The following NXN variants were observed in gnomAD, a reference collection of about 807,000 sequenced individuals.
The protein encoded by NXN is nucleoredoxin 1.
Under a neutral mutation model 48.6 loss-of-function variants are expected in NXN, and 16 were observed. The observed-to-expected ratio is 0.33, with a 90% confidence interval of 0.22 to 0.50. NXN has a LOEUF of 0.50. Ranked by LOEUF, NXN falls within the 20% of genes least tolerant of loss-of-function variation. NXN has a pLI of 0.98. For missense variants in NXN, 492 were observed against 605.5 expected (o/e 0.81, Z 1.97); for synonymous variants, 281 against 269.6 (o/e 1.04, Z -0.41).
At chr17:880,589 G>C (rs946006771) in intron 1 of NXN, among the ~76,000 whole-genome samples, 3 of 152,078 alleles carry the variant, frequency 2.0e-5, no homozygotes, top group African/African-American at 7.2e-5. Context: ...TTAAAAATAA[G>C]TGTTTATTTT....
At chr17:947,891 A>AAAAAG (rs1377014249) in intron 1 of NXN, among the ~76,000 whole-genome samples, 2 of 150,132 alleles carry the variant, frequency 1.3e-5, no homozygotes, top group African/African-American at 2.4e-5. Flanking sequence ...TACAAAAAAA[A>AAAAAG]AAAAAAAAAA....
chr17:923,791 G>A (rs12948820), intron 1 of NXN, among the ~76,000 whole-genome samples: 54,964 of 152,078 alleles, frequency 0.36, 10,703 homozygotes, highest in Middle Eastern at 0.46. Flanking sequence ...TTTGATACCA[G>A]AAGGACAACC....
At chr17:922,419 G>A (rs932476875) in intron 1 of NXN, among the ~76,000 whole-genome samples, 1 of 151,826 alleles carries the variant, frequency 6.6e-6, no homozygotes, top group Non-Finnish European at 1.5e-5. Flanking sequence ...ACTCCAGCCT[G>A]GGCAACAAGA....
At chr17:957,148 G>A (rs973390040) in intron 1 of NXN, among the ~76,000 whole-genome samples, 1 of 151,978 alleles carries the variant, frequency 6.6e-6, no homozygotes, top group Non-Finnish European at 1.5e-5. Flanking sequence ...GCAACAACGT[G>A]CAAAGGTGAT....
In NXN at chr17:825,922, G is replaced by A. The variant is rs1370376090; in HGVS notation, c.478+39C>T. 2.3e-6 allele frequency: 3 copies of A among 1,309,346 alleles called. No individual in the cohort carries two copies. The highest frequency in any genetic ancestry group is 2.6e-5 in the South Asian group (2 of 77,654). 81.1% of individuals were successfully genotyped at this position (1,309,346 alleles called of 1,614,324 possible). A position where few individuals can be genotyped will look rare whatever the true frequency, so the allele number is the denominator to read the frequency against. On this transcript the variant is annotated intron_variant, in intron 2 of 7. Transcript: ENST00000336868. The surrounding 1 kb of genome is among the most constrained non-coding windows in gnomAD (Gnocchi z 4.1). Reference sequence around the variant, plus strand: ...CTAAGGGCATGGAGGAGGGAGGGCTGGGTAATAAGAGGACCATATGCACGG... The same window carrying A: ...CTAAGGGCATGGAGGAGGGAGGGCTAGGTAATAAGAGGACCATATGCACGG...
intron 1 of NXN, among the ~76,000 whole-genome samples, chr17:865,978 A>G (rs1362152394): frequency 1.3e-5 from 2 of 151,580 alleles, no homozygotes; most frequent in African/African-American, 4.9e-5. Flanking sequence ...GCAAGACTCT[A>G]TCTCAAAAAA....
chr17:818,990 A>C (rs1416625431), intron 5 of NXN: 2 of 256,190 alleles, frequency 7.8e-6, no homozygotes, highest in Non-Finnish European at 1.5e-5. Flanking sequence ...TCTGTTGCCC[A>C]GGTTGGAGTG....
chr17:979,376 C>T lies in NXN; in HGVS notation c.303G>A (p.Gln101=). 1 of 1,531,234 alleles carries T rather than the reference C, an allele frequency of 6.5e-7. No individual in the cohort carries two copies. Among genetic ancestry groups the T allele is most frequent in the Non-Finnish European group, 8.8e-7 (1 of 1,140,994 alleles). The allele number at this position is 1,531,234 out of a possible 1,614,324, so 94.9% of individuals were successfully genotyped here. A position where few individuals can be genotyped will look rare whatever the true frequency, so the allele number is the denominator to read the frequency against. ...GCCACGGCATGTCCCGCACGAAGTC[C>T]TGCCACTGCCGCTGGTCCTGGTCCG... ...VSSDQDQRQW[Q]DFVRDMPWLA... is the part of the protein sequence containing the mutation. The change falls in exon 1 of 8, where the codon CAG becomes CAA. Residue 101 remains glutamine, a synonymous_variant. Coordinates refer to ENST00000336868, the MANE Select transcript of NXN (RefSeq NM_022463.5).
At chr17:936,932 G>A (rs114318903) in intron 1 of NXN, among the ~76,000 whole-genome samples, 2,384 of 152,076 alleles carry the variant, frequency 0.016, 63 homozygotes, top group African/African-American at 0.053. Context: ...GCCGGGTACG[G>A]TGGCTCACGC....
chr17:850,708 G>T (rs2067914767), intron 1 of NXN, among the ~76,000 whole-genome samples: 1 of 152,156 alleles, frequency 6.6e-6, no homozygotes, highest in Non-Finnish European at 1.5e-5. Flanking sequence ...AAGATGAATG[G>T]CCACACGTCC....
chr17:839,624 C>T (rs1411086066), intron 1 of NXN, among the ~76,000 whole-genome samples: 4 of 149,906 alleles, frequency 2.7e-5, no homozygotes, highest in Admixed American at 6.7e-5. Context: ...CCCTGGGCAA[C>T]ATGGTGAAAT....
Position 812,417 on chromosome 17 carries a change from C to T in NXN, c.820+7022G>A, listed in dbSNP as rs1349306502. Among the ~76,000 whole-genome samples the T allele has an allele frequency of 2.6e-5, 4 of 152,204 alleles. No individual in the cohort carries two copies. The East Asian group carries it at 7.7e-4, about 29-fold the overall frequency. ...CTGTGAAGGAATCTTTATACAAGCT[C>T]TTCAGCGGGAGAGAAACAAGTGAGA... On this transcript the variant is annotated intron_variant, in intron 5 of 7. Coordinates refer to ENST00000336868, the MANE Select transcript of NXN (RefSeq NM_022463.5).
At chr17:801,298 C>T (rs1911191571) in intron 7 of NXN, among the ~76,000 whole-genome samples, 167 bp from the exon 8 acceptor site, 1 of 152,170 alleles carries the variant, frequency 6.6e-6, no homozygotes, top group African/African-American at 2.4e-5. Context: ...GCCCTGCCTT[C>T]CGGAGGAAGG....
At chr17:969,266 C>T (rs2069343700) in intron 1 of NXN, among the ~76,000 whole-genome samples, 2 of 152,286 alleles carry the variant, frequency 1.3e-5, no homozygotes, top group African/African-American at 4.8e-5. Flanking sequence ...CTCCATTTTA[C>T]TCACCAGGAA....
chr17:895,826 C>CAAAA (rs1452047860), intron 1 of NXN, among the ~76,000 whole-genome samples: 14 of 88,040 alleles, frequency 1.6e-4, no homozygotes, highest in South Asian at 7.6e-4. Flanking sequence ...AACAAACAAA[C>CAAAA]AAAAAAACTA....
rs974193472 is a variant in NXN at position 830,582 on chromosome 17, A to G, written c.361-4504T>C. Among the ~76,000 whole-genome samples the G allele has an allele frequency of 6.6e-6, 1 of 152,184 alleles. No homozygotes were observed. The highest frequency in any genetic ancestry group is 2.4e-5 in the African/African-American group (1 of 41,446). ...GAAAGTCTGAGTAGATGAGAGAACC[A>G]GGGGCGGCGGCTGTGATGAGGTCAG... is the stretch of plus-strand genomic sequence containing the variant. On this transcript the variant is annotated intron_variant, in intron 1 of 7. Transcript: ENST00000336868. The surrounding 1 kb of genome is among the most constrained non-coding windows in gnomAD (Gnocchi z 4.2).
chr17:803,125 A>G (rs1408550010), intron 7 of NXN, among the ~76,000 whole-genome samples: 1 of 152,094 alleles, frequency 6.6e-6, no homozygotes, highest in Non-Finnish European at 1.5e-5. Flanking sequence ...TGAAAGCCCC[A>G]CTTTCCCACC....
rs142218034 is a variant in NXN at position 979,580 on chromosome 17, C to A, written c.99G>T (p.Leu33=). The A allele has an allele frequency of 1.5e-5, 22 of 1,433,852 alleles. No individual in the cohort carries two copies. Among genetic ancestry groups the A allele is most frequent in the Non-Finnish European group, 1.8e-5 (20 of 1,092,388 alleles). 88.8% of individuals were successfully genotyped at this position (1,433,852 alleles called of 1,614,324 possible). ...VHSLGARGIS[L]LGLYFGCSLS... is the part of the protein sequence containing the mutation. ...GGCTGCAGCCGAAGTAGAGACCCAG[C>A]AGCGAGATGCCGCGGGCGCCCAGCG... is the stretch of plus-strand genomic sequence containing the variant. Residue 33 remains leucine, a synonymous_variant, in exon 1 of 8, where the codon CTG becomes CTT. Transcript: ENST00000336868.
At chr17:863,160 G>A (rs911748836) in intron 1 of NXN, among the ~76,000 whole-genome samples, 4 of 151,978 alleles carry the variant, frequency 2.6e-5, no homozygotes, top group East Asian at 1.9e-4. Flanking sequence ...CACATCCTGC[G>A]AATACTGTTC....
Sources: gnomAD v4.1 joint callset for allele counts (sites outside exome capture counted in the v4.1 genomes callset) on GRCh38, gnomAD v4.1.1 for gene constraint, Gnocchi (gnomAD v3.1) non-coding constraint, MANE v1.5 for transcripts, NCBI Gene and HGNC (gene_info 2026-07-23, HGNC 2026-07-21) for gene names.